CNBD1: variants seen among roughly 807,000 people sequenced by gnomAD.
CNBD1 encodes cyclic nucleotide-binding domain-containing protein 1.
Under a neutral mutation model 54.4 loss-of-function variants are expected in CNBD1, and 71 were observed. That is an observed-to-expected ratio of 1.30 (90% confidence interval 1.08 to 1.59). The LOEUF is 1.59. CNBD1 is among the 40% of genes most tolerant of loss of function. The pLI, the probability that CNBD1 is intolerant of heterozygous loss-of-function variation, is 0.00. For synonymous variants in CNBD1, 182 were observed against 170.7 expected, an observed-to-expected ratio of 1.07 and a Z score of -0.51; for missense variants, 659 against 518.0, an observed-to-expected ratio of 1.27 and a Z score of -2.64.
intron 4 of CNBD1, among the ~76,000 whole-genome samples, chr8:86,973,487 A>G (rs1168511988): frequency 6.6e-6 from 1 of 152,218 alleles, no homozygotes; most frequent in Non-Finnish European, 1.5e-5. Flanking sequence ...TGGCTTACAT[A>G]TAATTCATGG....
chr8:86,921,479 A>C (rs2131824969), intron 3 of CNBD1, among the ~76,000 whole-genome samples: 1 of 152,298 alleles, frequency 6.6e-6, no homozygotes, highest in South Asian at 2.1e-4. Flanking sequence ...ATAAAGACAC[A>C]ACTGAGACTT....
intron 2 of CNBD1, among the ~76,000 whole-genome samples, chr8:87,405,178 A>T (rs1032936368): frequency 1.3e-5 from 2 of 152,120 alleles, no homozygotes. Flanking sequence ...ATACAAAAAA[A>T]TAAATTTAGG....
intron 6 of CNBD1, among the ~76,000 whole-genome samples, chr8:87,238,458 C>T (rs1040688116): frequency 6.6e-6 from 1 of 152,094 alleles, no homozygotes; most frequent in African/African-American, 2.4e-5. Context: ...CCTGTTTATT[C>T]TCTGTAACAG....
chr8:87,158,041 A>C (rs753888661), intron 4 of CNBD1, among the ~76,000 whole-genome samples: 1 of 152,000 alleles, frequency 6.6e-6, no homozygotes, highest in Non-Finnish European at 1.5e-5. Context: ...AAATTGAGTT[A>C]ATAATGTTTA....
At chr8:87,332,145 C>T (rs567196673) in intron 8 of CNBD1, among the ~76,000 whole-genome samples, 21 of 152,134 alleles carry the variant, frequency 1.4e-4, no homozygotes, top group Non-Finnish European at 2.5e-4. Flanking sequence ...GTCAGGAGTT[C>T]GAGATCAGCC....
rs371180764 is a variant in CNBD1 at position 87,091,564 on chromosome 8, C to G, written c.432-114429C>G. Among the ~76,000 whole-genome samples the G allele has an allele frequency of 4.7e-4, 71 of 152,250 alleles. No individual in the cohort carries two copies. In the East Asian group the frequency reaches 9.8e-3, roughly 21 times the overall value. On this transcript the variant is annotated intron_variant, in intron 4 of 10. Coordinates refer to ENST00000518476, the MANE Select transcript of CNBD1 (RefSeq NM_173538.3). ...GTCATCTTGACTCTTGAGTCTTTTTCTATAATCCATGTTCAATAGCTCAGC... is the reference window on the plus strand; with the variant it reads ...GTCATCTTGACTCTTGAGTCTTTTTGTATAATCCATGTTCAATAGCTCAGC...
At chr8:87,247,940 C>T (rs1807840968) in intron 6 of CNBD1, among the ~76,000 whole-genome samples, 1 of 152,154 alleles carries the variant, frequency 6.6e-6, no homozygotes, top group Admixed American at 6.5e-5. Flanking sequence ...CAGAAGTGAC[C>T]TCATTGACCT....
downstream of CNBD1, among the ~76,000 whole-genome samples, chr8:87,386,712 A>G (rs1392469313): frequency 1.3e-5 from 2 of 152,244 alleles, no homozygotes; most frequent in Non-Finnish European, 1.5e-5. Flanking sequence ...AACTTCCCCA[A>G]TGTAGCAAGG....
chr8:87,117,415 A>AG (rs1491248374), intron 4 of CNBD1, among the ~76,000 whole-genome samples: 9 of 151,072 alleles, frequency 6.0e-5, no homozygotes, highest in Non-Finnish European at 1.0e-4. Flanking sequence ...AAAAAAAAAA[A>AG]GAACTGAGAA....
chr8:87,375,633 G>T (rs975178709), intron 10 of CNBD1, among the ~76,000 whole-genome samples: 1 of 151,760 alleles, frequency 6.6e-6, no homozygotes, highest in African/African-American at 2.4e-5. Flanking sequence ...TATTGGTATA[G>T]AAACCATTCC....
chr8:86,945,111 T>A (rs1807435839), intron 4 of CNBD1, among the ~76,000 whole-genome samples: 1 of 152,156 alleles, frequency 6.6e-6, no homozygotes, highest in African/African-American at 2.4e-5. Context: ...AATACTATGG[T>A]AAAAATAATT....
intron 4 of CNBD1, among the ~76,000 whole-genome samples, chr8:87,034,689 C>A (rs1276266981): frequency 1.3e-5 from 2 of 152,080 alleles, no homozygotes; most frequent in South Asian, 4.1e-4. Flanking sequence ...TATTTGCATG[C>A]ATGACATACT....
At chr8:87,360,660 G>T (rs565992758) in intron 10 of CNBD1, among the ~76,000 whole-genome samples, 1 of 151,910 alleles carries the variant, frequency 6.6e-6, no homozygotes, top group African/African-American at 2.4e-5. Context: ...TAATGAGAAA[G>T]AATTTCTTTT....
At chr8:87,225,257 C>A (rs1814454218) in intron 5 of CNBD1, among the ~76,000 whole-genome samples, 1 of 146,160 alleles carries the variant, frequency 6.8e-6, no homozygotes, top group Non-Finnish European at 1.5e-5. Context: ...CCTAATTGCC[C>A]TGGCCAGAAC....
At chr8:86,891,393 A>G (rs1268137981) in intron 2 of CNBD1, among the ~76,000 whole-genome samples, 1 of 151,914 alleles carries the variant, frequency 6.6e-6, no homozygotes, top group African/African-American at 2.4e-5. Context: ...AAATCAATTT[A>G]TTATAACTGT....
intron 2 of CNBD1, among the ~76,000 whole-genome samples, chr8:87,390,676 A>G (rs1811289673): frequency 6.6e-6 from 1 of 152,170 alleles, no homozygotes; most frequent in Admixed American, 6.5e-5. Context: ...TGTGGAAGTG[A>G]GTGTGATGAT....
At chr8:87,112,995 G>A (rs185629788) in intron 4 of CNBD1, among the ~76,000 whole-genome samples, 34 of 152,324 alleles carry the variant, frequency 2.2e-4, no homozygotes, top group South Asian at 4.1e-4. Context: ...ATGGTCTCAA[G>A]AGAAGTACAG....
At chr8:87,024,542 A>G (rs1267252093) in intron 4 of CNBD1, among the ~76,000 whole-genome samples, 1 of 151,918 alleles carries the variant, frequency 6.6e-6, no homozygotes, top group Non-Finnish European at 1.5e-5. Flanking sequence ...GGGTTTCACC[A>G]TATTGGCCAG....
At position 87,325,289 on chromosome 8, in the gene CNBD1, G is replaced by A. The variant is rs1245034548; in HGVS notation, c.1043-26396G>A. On this transcript the variant is annotated intron_variant, in intron 8 of 10. Transcript: ENST00000518476. ...AAGAATGTATATTCTGTTGATTTGG[G>A]GTAGAGAGTTCTGTAGATGTCTATT... is the stretch of plus-strand genomic sequence containing the variant. 4.2e-5 allele frequency among the ~76,000 whole-genome samples: 4 copies of A among 94,814 alleles called. 1 individual carries two copies. Among genetic ancestry groups the A allele is most frequent in the African/African-American group, 2.6e-4 (4 of 15,492 alleles). The allele number at this position is 94,814 out of a possible 152,430, so 62.2% of individuals were successfully genotyped here. A position where few individuals can be genotyped will look rare whatever the true frequency, so the allele number is the denominator to read the frequency against.
Sources: gnomAD v4.1 joint callset for allele counts (sites outside exome capture counted in the v4.1 genomes callset) on GRCh38, gnomAD v4.1.1 for gene constraint, MANE v1.5 for transcripts, NCBI Gene and HGNC (gene_info 2026-07-23, HGNC 2026-07-21) for gene names.